Variants in PCDH9 observed in about 807,000 individuals in gnomAD.
PCDH9 encodes protocadherin 9.
PCDH9 carries 24 observed loss-of-function variants against 70.6 expected under a neutral mutation model. The ratio of observed to expected loss-of-function variants is 0.34; its 90% confidence interval spans 0.25 to 0.48. The LOEUF (loss-of-function observed/expected upper bound fraction) is 0.48. PCDH9 is among the 20% of genes least tolerant of loss of function. The pLI is 0.99. For missense variants in PCDH9, 1,281 were observed against 1,503.6 expected (o/e 0.85, Z 2.45); for synonymous variants, 562 against 558.5 (o/e 1.01, Z -0.09).
chr13:66,789,947 C>T (rs527601477), intron 3 of PCDH9, among the ~76,000 whole-genome samples: 5 of 152,002 alleles, frequency 3.3e-5, no homozygotes, highest in Non-Finnish European at 7.4e-5. Context: ...GTCTAGTTAC[C>T]AATATTGTTG....
chr13:67,185,769 G>T (rs1480131197), intron 2 of PCDH9, among the ~76,000 whole-genome samples: 1 of 152,144 alleles, frequency 6.6e-6, no homozygotes, highest in East Asian at 1.9e-4. Context: ...TTTCACTCTT[G>T]TTGCCCAGGC....
At chr13:66,387,737 G>C (rs542057763) in intron 4 of PCDH9, among the ~76,000 whole-genome samples, 2 of 151,972 alleles carry the variant, frequency 1.3e-5, no homozygotes, top group East Asian at 3.9e-4. Context: ...AAATTACCCA[G>C]CCTCAGATAT....
At chr13:66,682,446 G>C (rs2078340980) in intron 3 of PCDH9, among the ~76,000 whole-genome samples, 1 of 151,826 alleles carries the variant, frequency 6.6e-6, no homozygotes, top group Non-Finnish European at 1.5e-5. Flanking sequence ...AAGAGAGAGA[G>C]TGCCTAATTG....
At chr13:66,726,689 G>A (rs763617301) in intron 3 of PCDH9, among the ~76,000 whole-genome samples, 19 of 152,004 alleles carry the variant, frequency 1.2e-4, no homozygotes, top group South Asian at 2.1e-4. Flanking sequence ...TCCTCCCTGC[G>A]TACCAAAGAC....
At position 66,577,077 on chromosome 13, in the gene PCDH9, C is replaced by T. The variant is rs181314688; in HGVS notation, c.3340+54133G>A. On this transcript the variant is annotated intron_variant, in intron 4 of 4. Transcript: ENST00000377865. The stretch of plus-strand genomic sequence containing the variant: ...GACAAACTATCTCACTGAAAAATAA[C>T]CTGGTATTATACAATTTAAATTCAT... 1.9e-3 allele frequency among the ~76,000 whole-genome samples: 295 copies of T among 151,872 alleles called. 2 individuals carry two copies. Among genetic ancestry groups the T allele is most frequent in the Non-Finnish European group, 3.3e-3 (223 of 67,850 alleles).
chr13:66,745,244 A>G (rs1452695663), intron 3 of PCDH9, among the ~76,000 whole-genome samples: 1 of 152,194 alleles, frequency 6.6e-6, no homozygotes, highest in African/African-American at 2.4e-5. Flanking sequence ...ACCCATTTGA[A>G]TATTTTATTA....
Position 66,903,553 on chromosome 13 carries a change from G to A in PCDH9, c.3089C>T (p.Pro1030Leu). 1 of 1,584,896 alleles carries A rather than the reference G, an allele frequency of 6.3e-7. No homozygotes were observed. Among genetic ancestry groups the A allele is most frequent in the Non-Finnish European group, 8.7e-7 (1 of 1,154,948 alleles). Residue 1030 changes from proline (P) to leucine (L), a missense_variant, in exon 3 of 5, where the codon CCC becomes CTC. Around this residue, in one of 4 missense-constraint regions of PCDH9, gnomAD observed 264 missense variants for 278.8 expected, o/e 0.95. Transcript: ENST00000377865. Reference protein sequence around the residue: ...DNIPVTPQKCPSSTGFHIQEN... With the variant: ...DNIPVTPQKCLSSTGFHIQEN... ...CTGAATGTGGAAACCCGTGGAGCTG[G>A]GACATTTCTGAGGAGTGACAGGAAT...
intron 3 of PCDH9, among the ~76,000 whole-genome samples, chr13:66,858,233 A>G (rs1410509900): frequency 2.0e-5 from 3 of 152,180 alleles, no homozygotes; most frequent in South Asian, 2.1e-4. Flanking sequence ...AACAAGCTCC[A>G]TAAACCTGAT....
chr13:66,984,961 T>C (rs571117849), intron 2 of PCDH9, among the ~76,000 whole-genome samples: 1 of 152,172 alleles, frequency 6.6e-6, no homozygotes, highest in East Asian at 1.9e-4. Context: ...TCCCAGTTCT[T>C]CTAAAATCCA....
chr13:66,522,349 C>T (rs1428412695), intron 4 of PCDH9, among the ~76,000 whole-genome samples: 1 of 151,876 alleles, frequency 6.6e-6, no homozygotes, highest in African/African-American at 2.4e-5. Context: ...ACGGAAGATC[C>T]TTGGAAAGAT....
At chr13:66,788,403 T>A (rs2080112130) in intron 3 of PCDH9, among the ~76,000 whole-genome samples, 1 of 152,180 alleles carries the variant, frequency 6.6e-6, no homozygotes, top group African/African-American at 2.4e-5. Flanking sequence ...GTAAGTTATA[T>A]GATTCACTTG....
intron 4 of PCDH9, among the ~76,000 whole-genome samples, chr13:66,380,219 A>G (rs1341937005): frequency 6.6e-6 from 1 of 152,222 alleles, no homozygotes; most frequent in Non-Finnish European, 1.5e-5. Flanking sequence ...TTTTTTAAAT[A>G]GACATGATAA....
chr13:66,823,856 TATTA>T (rs2080761350), intron 3 of PCDH9, among the ~76,000 whole-genome samples: 1 of 152,154 alleles, frequency 6.6e-6, no homozygotes, highest in African/African-American at 2.4e-5. Context: ...TTTGACACTA[TATTA>T]GTTAGTAAAA....
intron 3 of PCDH9, among the ~76,000 whole-genome samples, chr13:66,715,803 G>A (rs1237816090): frequency 6.6e-6 from 1 of 152,202 alleles, no homozygotes; most frequent in Non-Finnish European, 1.5e-5. Flanking sequence ...ATGTGCATTA[G>A]TGTCTGCGTT....
rs368394644 is a variant in PCDH9, at chr13:66,952,014, C to T, written c.3037-48409G>A. On this transcript the variant is annotated intron_variant, in intron 2 of 4. Transcript: ENST00000377865. ...ACTAAAGTAGGGGTGAGCATCTGTGCTAAGGTAAGCAAGCTGGCTTTCCCA... is the reference window on the plus strand; with the variant it reads ...ACTAAAGTAGGGGTGAGCATCTGTGTTAAGGTAAGCAAGCTGGCTTTCCCA... 9.6e-4 allele frequency among the ~76,000 whole-genome samples: 146 copies of T among 152,270 alleles called. 2 individuals carry two copies. In the Middle Eastern group the frequency reaches 0.024, roughly 25 times the overall value.
intron 3 of PCDH9, among the ~76,000 whole-genome samples, chr13:66,745,258 T>A (rs2079342018): frequency 6.6e-6 from 1 of 152,210 alleles, no homozygotes; most frequent in African/African-American, 2.4e-5. Context: ...TTTATTAATC[T>A]ATGTTTCATA....
chr13:66,329,689 G>A (rs1955905402), intron 4 of PCDH9, among the ~76,000 whole-genome samples: 1 of 152,128 alleles, frequency 6.6e-6, no homozygotes, highest in South Asian at 2.1e-4. Flanking sequence ...CAGCCTTACT[G>A]TTTCTCAGCT....
rs562176354 is a variant in PCDH9 at position 66,829,717 on chromosome 13, C to CAAAAAAAAAAAAAAA, written c.3138+73772_3138+73786dup. ...TGGGCGACAGAGCGAGACTCCGTCT[C>CAAAAAAAAAAAAAAA]AAAAAAAAAAAAAAAAAAAAAAAAA... On this transcript the variant is annotated intron_variant, in intron 3 of 4. Coordinates refer to ENST00000377865, the MANE Select transcript of PCDH9 (RefSeq NM_203487.3). Among the ~76,000 whole-genome samples, 164 of 53,114 alleles carry CAAAAAAAAAAAAAAA rather than the reference C, an allele frequency of 3.1e-3. 27 individuals are homozygous for CAAAAAAAAAAAAAAA. The highest frequency in any genetic ancestry group is 6.0e-3 in the East Asian group (7 of 1,158). 34.8% of individuals were successfully genotyped at this position (53,114 alleles called of 152,430 possible).
chr13:66,883,877 T>C (rs889529376), intron 3 of PCDH9, among the ~76,000 whole-genome samples: 1 of 151,736 alleles, frequency 6.6e-6, no homozygotes, highest in Non-Finnish European at 1.5e-5. Flanking sequence ...TTGTCTGTTG[T>C]TCCCTTCATC....
Sources: allele counts gnomAD v4.1 joint callset (sites outside exome capture counted in the v4.1 genomes callset), GRCh38; gene constraint gnomAD v4.1.1; regional missense constraint gnomAD v4.1.1; transcripts MANE v1.5; gene names NCBI Gene and HGNC (gene_info 2026-07-23, HGNC 2026-07-21).